RBFOX1: variants seen among roughly 807,000 people sequenced by gnomAD.
The protein encoded by RBFOX1 is RNA binding fox-1 homolog 1.
A neutral mutation model predicts 57.7 loss-of-function variants in RBFOX1; 8 were observed. The ratio of observed to expected loss-of-function variants is 0.14; its 90% CI spans 0.08 to 0.25. The LOEUF (loss-of-function observed/expected upper bound fraction) is 0.25, where lower values mean the gene tolerates loss of function less well. RBFOX1 is among the 10% of genes least tolerant of loss of function. The pLI is 1.00. For missense variants in RBFOX1, 611 were observed against 548.5 expected (o/e 1.11, Z -1.14); for synonymous variants, 326 against 222.4 (o/e 1.47, Z -4.15).
intron 1 of RBFOX1, among the ~76,000 whole-genome samples, chr16:5,400,045 A>T (rs2066669579): frequency 1.3e-5 from 2 of 150,636 alleles, no homozygotes; most frequent in Non-Finnish European, 3.0e-5. Context: ...TGGAGCTGAC[A>T]CTCATCATTC....
Position 7,010,032 on chromosome 16 carries a change from G to GAA in RBFOX1, c.-15-42016_-15-42015dup, listed in dbSNP as rs57641451. Reference sequence around the variant, plus strand: ...TGATAGAAGCTCAGAGAACTCTTAAGAAAAAAAAAATGCACTCAAGAGGCC... The same window carrying GAA: ...TGATAGAAGCTCAGAGAACTCTTAAGAAAAAAAAAAAATGCACTCAAGAGGCC... On this transcript the variant is annotated intron_variant, in intron 3 of 15. Coordinates refer to ENST00000550418, the MANE Select transcript of RBFOX1 (RefSeq NM_018723.4). Among the ~76,000 whole-genome samples the GAA allele has an allele frequency of 1.8e-3, 267 of 149,688 alleles. 1 individual carries two copies. Among genetic ancestry groups the GAA allele is most frequent in the South Asian group, 8.7e-3 (41 of 4,734 alleles).
intron 3 of RBFOX1, among the ~76,000 whole-genome samples, chr16:6,740,278 A>G (rs565787420): frequency 6.6e-6 from 1 of 152,334 alleles, no homozygotes. Context: ...GATAAAGGAT[A>G]TGTGCAAAAA....
At chr16:5,763,090 T>C (rs1175247990) in intron 3 of RBFOX1, among the ~76,000 whole-genome samples, 3 of 152,002 alleles carry the variant, frequency 2.0e-5, no homozygotes, top group Non-Finnish European at 2.9e-5. Flanking sequence ...TAGGGGTGGG[T>C]GGTTGGAAAT....
chr16:6,920,158 T>C (rs2074144928), intron 3 of RBFOX1, among the ~76,000 whole-genome samples: 1 of 152,210 alleles, frequency 6.6e-6, no homozygotes, highest in South Asian at 2.1e-4. Flanking sequence ...TGTAGGTGTA[T>C]TTTCTTTATC....
chr16:5,756,276 A>G (rs565556330), intron 3 of RBFOX1, among the ~76,000 whole-genome samples: 1 of 148,588 alleles, frequency 6.7e-6, no homozygotes, highest in Non-Finnish European at 1.5e-5. Flanking sequence ...CAGTGTATGG[A>G]CATATGAAAT....
At chr16:6,807,938 G>T (rs894786656) in intron 3 of RBFOX1, among the ~76,000 whole-genome samples, 2 of 144,968 alleles carry the variant, frequency 1.4e-5, no homozygotes, top group African/African-American at 5.2e-5. Context: ...GGTATAATAT[G>T]CATATGTAAT....
At chr16:7,219,032 G>A (rs191892308) in intron 4 of RBFOX1, among the ~76,000 whole-genome samples, 6 of 152,094 alleles carry the variant, frequency 3.9e-5, no homozygotes, top group East Asian at 3.9e-4. Flanking sequence ...AGAAGGGCTC[G>A]GAGCCAGACA....
chr16:5,311,341 G>A (rs2064083773), intron 1 of RBFOX1, among the ~76,000 whole-genome samples: 1 of 152,080 alleles, frequency 6.6e-6, no homozygotes, highest in African/African-American at 2.4e-5. Context: ...CTTTGCAATT[G>A]TGAACTGTGC....
At chr16:7,194,465 C>T (rs771277751) in intron 4 of RBFOX1, among the ~76,000 whole-genome samples, 6 of 152,102 alleles carry the variant, frequency 3.9e-5, no homozygotes, top group Admixed American at 6.6e-5. Context: ...GGCAGTGGAA[C>T]GGCTAGAGTT....
At chr16:5,349,986 TGATCTGCTGATGTAC>T (rs2065227673) in intron 1 of RBFOX1, among the ~76,000 whole-genome samples, 1 of 152,222 alleles carries the variant, frequency 6.6e-6, no homozygotes, top group African/African-American at 2.4e-5. Context: ...TTAAATAAAT[TGATCTGCTGATGTAC>T]ACTTCACAGT....
At chr16:7,058,442 A>G (rs529190807) in intron 4 of RBFOX1, among the ~76,000 whole-genome samples, 24 of 152,318 alleles carry the variant, frequency 1.6e-4, no homozygotes, top group South Asian at 4.1e-4. Flanking sequence ...GCCTGGAGCT[A>G]CGCCTACTGA....
At chr16:6,712,048 C>T (rs375919180) in intron 3 of RBFOX1, among the ~76,000 whole-genome samples, 8 of 152,198 alleles carry the variant, frequency 5.3e-5, no homozygotes, top group African/African-American at 1.7e-4. Context: ...TGGTAAAGTC[C>T]ATCAGGAAAG....
chr16:5,690,882 A>G (rs1266668123), intron 3 of RBFOX1, among the ~76,000 whole-genome samples: 2 of 152,124 alleles, frequency 1.3e-5, no homozygotes. Flanking sequence ...TTATGCCAAC[A>G]AAACCCTGAT....
intron 1 of RBFOX1, among the ~76,000 whole-genome samples, chr16:6,223,197 G>C (rs947535141): frequency 1.3e-5 from 2 of 150,778 alleles, no homozygotes; most frequent in African/African-American, 4.9e-5. Flanking sequence ...ATGATTTATA[G>C]TCCTTTGGGT....
At chr16:7,236,966 A>G (rs1321661084) in intron 4 of RBFOX1, among the ~76,000 whole-genome samples, 1 of 152,196 alleles carries the variant, frequency 6.6e-6, no homozygotes, top group African/African-American at 2.4e-5. Flanking sequence ...AACTCTGTGT[A>G]ACTAGGATAA....
At chr16:6,181,398 C>T (rs1310945517) in intron 1 of RBFOX1, among the ~76,000 whole-genome samples, 1 of 152,116 alleles carries the variant, frequency 6.6e-6, no homozygotes, top group Non-Finnish European at 1.5e-5. Flanking sequence ...ATACTTGTTA[C>T]ATTATTGGAA....
At chr16:7,705,119 G>C (rs542353946) in intron 14 of RBFOX1, among the ~76,000 whole-genome samples, 104 of 151,734 alleles carry the variant, frequency 6.9e-4, no homozygotes, top group African/African-American at 2.3e-3. Flanking sequence ...AGGGACATTT[G>C]ATTTGAAACA....
chr16:7,221,636 G>A (rs1383955026), intron 4 of RBFOX1, among the ~76,000 whole-genome samples: 1 of 152,126 alleles, frequency 6.6e-6, no homozygotes, highest in Admixed American at 6.5e-5. Context: ...CAAAGTACTG[G>A]GATTACAGGC....
intron 1 of RBFOX1, among the ~76,000 whole-genome samples, chr16:5,299,032 AT>A (rs768836649): frequency 4.2e-5 from 6 of 143,796 alleles, no homozygotes; most frequent in Non-Finnish European, 9.1e-5. Context: ...GCCAAACAAA[AT>A]TTAGAATGTT....
Sources: allele counts gnomAD v4.1 joint callset (sites outside exome capture counted in the v4.1 genomes callset), GRCh38; gene constraint gnomAD v4.1.1; transcripts MANE v1.5; gene names NCBI Gene and HGNC (gene_info 2026-07-23, HGNC 2026-07-21).